ZNF521: variants seen among roughly 807,000 people sequenced by gnomAD.
The protein encoded by ZNF521 is zinc finger protein 521.
A neutral mutation model predicts 105.5 loss-of-function variants in ZNF521; 14 were observed. That is an observed-to-expected ratio of 0.13 (90% confidence interval 0.09 to 0.21). The LOEUF is 0.21. ZNF521 is among the 10% of genes least tolerant of loss of function. The pLI, the probability that ZNF521 is intolerant of heterozygous loss-of-function variation, is 1.00. For synonymous variants in ZNF521, 635 were observed against 606.0 expected, an observed-to-expected ratio of 1.05 and a Z score of -0.70; for missense variants, 1,233 against 1,629.7, an observed-to-expected ratio of 0.76 and a Z score of 4.19.
At chr18:25,141,434 G>C (rs1040347989) in intron 5 of ZNF521, among the ~76,000 whole-genome samples, 1 of 152,136 alleles carries the variant, frequency 6.6e-6, no homozygotes, top group Non-Finnish European at 1.5e-5. Context: ...TGGAAGTTAG[G>C]GCATCCCCTG....
chr18:25,106,044 A>G (rs2144276880), intron 5 of ZNF521, among the ~76,000 whole-genome samples: 1 of 152,254 alleles, frequency 6.6e-6, no homozygotes, highest in African/African-American at 2.4e-5. Context: ...TTCTGAATTT[A>G]TCAAGATTTA....
At chr18:25,350,190 G>T (rs1233235674) in intron 2 of ZNF521, among the ~76,000 whole-genome samples, 1 of 152,172 alleles carries the variant, frequency 6.6e-6, no homozygotes, top group African/African-American at 2.4e-5. Flanking sequence ...TCTCCAACAG[G>T]GACGACGGAG....
intron 3 of ZNF521, among the ~76,000 whole-genome samples, chr18:25,314,690 T>C (rs1302938060): frequency 6.6e-6 from 1 of 152,202 alleles, no homozygotes; most frequent in African/African-American, 2.4e-5. Flanking sequence ...CATCTACCAA[T>C]AGTATGGTAG....
chr18:25,138,652 T>G (rs2034782367), intron 5 of ZNF521, among the ~76,000 whole-genome samples: 1 of 152,166 alleles, frequency 6.6e-6, no homozygotes, highest in South Asian at 2.1e-4. Context: ...AAATAATAGT[T>G]GCAGGTGACA....
chr18:25,215,065 G>T (rs2036257406), intron 4 of ZNF521, among the ~76,000 whole-genome samples: 1 of 152,150 alleles, frequency 6.6e-6, no homozygotes, highest in Non-Finnish European at 1.5e-5. Flanking sequence ...AAGGGAAGCT[G>T]AAAATTTAAG....
chr18:25,083,933 T>G (rs937251514), intron 7 of ZNF521, among the ~76,000 whole-genome samples: 19 of 34,044 alleles, frequency 5.6e-4, no homozygotes, highest in Non-Finnish European at 1.8e-4. Flanking sequence ...CCTGGGTAAT[T>G]TTTTTTTTTT....
chr18:25,210,837 G>C (rs1189904652), intron 4 of ZNF521, among the ~76,000 whole-genome samples: 1 of 152,084 alleles, frequency 6.6e-6, no homozygotes, highest in Non-Finnish European at 1.5e-5. Context: ...TCTGCTCCAG[G>C]CATACTGTCT....
intron 2 of ZNF521, among the ~76,000 whole-genome samples, chr18:25,349,784 G>A (rs1914636690): frequency 6.7e-6 from 1 of 150,202 alleles, no homozygotes; most frequent in South Asian, 2.1e-4. Context: ...GCGGGACCCA[G>A]CGGGCCCGGG....
chr18:25,294,898 G>A (rs764296264), intron 3 of ZNF521, among the ~76,000 whole-genome samples: 2 of 132,406 alleles, frequency 1.5e-5, no homozygotes, highest in Non-Finnish European at 3.2e-5. Flanking sequence ...GGTTTGGGCA[G>A]AAATCTTTCT....
intron 7 of ZNF521, among the ~76,000 whole-genome samples, chr18:25,083,931 ATTTTTTTTTTTTTTTTT>A (rs56364504): frequency 1.4e-4 from 8 of 57,864 alleles, no homozygotes; most frequent in African/African-American, 2.2e-4. Flanking sequence ...AACCTGGGTA[ATTTTTTTTTTTTTTTTT>A]TTTTTTTTTT....
chr18:25,211,553 T>C (rs912039619), intron 4 of ZNF521, among the ~76,000 whole-genome samples: 1 of 152,234 alleles, frequency 6.6e-6, no homozygotes, highest in African/African-American at 2.4e-5. Context: ...ATTCTGTTCA[T>C]GTCAATTTCC....
At chr18:25,294,810 G>A (rs917947044) in intron 3 of ZNF521, among the ~76,000 whole-genome samples, 3 of 126,124 alleles carry the variant, frequency 2.4e-5, no homozygotes, top group East Asian at 2.7e-4. Context: ...AGCCAAGATC[G>A]TGCCACTGCA....
intron 5 of ZNF521, among the ~76,000 whole-genome samples, chr18:25,128,595 G>A (rs188793557): frequency 2.6e-5 from 4 of 152,072 alleles, no homozygotes; most frequent in East Asian, 1.9e-4. Context: ...GAACTAATAA[G>A]CAATTACAGC....
At chr18:25,268,601 C>T (rs1416095852) in intron 3 of ZNF521, among the ~76,000 whole-genome samples, 1 of 152,216 alleles carries the variant, frequency 6.6e-6, no homozygotes, top group Non-Finnish European at 1.5e-5. Context: ...ACCCATAAGC[C>T]AGAAGATAGT....
At chr18:25,330,344 T>C (rs1229470709) in intron 2 of ZNF521, among the ~76,000 whole-genome samples, 1 of 151,598 alleles carries the variant, frequency 6.6e-6, no homozygotes, top group African/African-American at 2.4e-5. Context: ...TTATATTTTT[T>C]TAGTAGAGAC....
chr18:25,128,458 T>C (rs114573999), intron 5 of ZNF521, among the ~76,000 whole-genome samples: 2,087 of 152,056 alleles, frequency 0.014, 47 homozygotes, highest in African/African-American at 0.046. Context: ...CTGAAAGTTG[T>C]AGCTGATATA....
chr18:25,322,153 A>G lies in ZNF521; in HGVS notation c.75T>C (p.Asp25=). 1 of 1,614,148 alleles carries G rather than the reference A, an allele frequency of 6.2e-7. No homozygotes were observed. Residue 25 remains aspartate, a synonymous_variant, in exon 3 of 8, where the codon GAT becomes GAC. Transcript: ENST00000361524. ...PNCKLEDKTE[D]GEALDCKKRP... ...TCTTCTTACAATCTAGTGCCTCTCC[A>G]TCTTCAGTCTTGTCTTCAAGTTTAC...
At chr18:25,088,708 C>A (rs1179246335) in intron 7 of ZNF521, among the ~76,000 whole-genome samples, 1 of 137,604 alleles carries the variant, frequency 7.3e-6, no homozygotes, top group Non-Finnish European at 1.6e-5. Flanking sequence ...GGAATAGAAT[C>A]TAGGTCTCTG....
chr18:25,288,450 A>G (rs1382061355), intron 3 of ZNF521, among the ~76,000 whole-genome samples: 2 of 152,030 alleles, frequency 1.3e-5, no homozygotes, highest in Non-Finnish European at 2.9e-5. Flanking sequence ...TTCGGGTTTT[A>G]GCTTCCATAG....
Sources: allele counts gnomAD v4.1 joint callset (sites outside exome capture counted in the v4.1 genomes callset), GRCh38; gene constraint gnomAD v4.1.1; transcripts MANE v1.5; gene names NCBI Gene and HGNC (gene_info 2026-07-23, HGNC 2026-07-21).